SHLD2: variants seen among roughly 807,000 people sequenced by gnomAD.
SHLD2 encodes the protein shieldin complex subunit 2, also known as RINN1-REV7-interacting novel NHEJ regulator 2.
A neutral mutation model predicts 73.2 loss-of-function variants in SHLD2; 30 were observed. The observed-to-expected ratio is 0.41, with a 90% CI of 0.31 to 0.56. The LOEUF (loss-of-function observed/expected upper bound fraction) is 0.56. SHLD2 is among the 20% of genes least tolerant of loss of function. SHLD2 has a pLI of 0.28. For synonymous variants in SHLD2, 285 were observed against 370.1 expected (o/e 0.77, Z 2.64); for missense variants, 745 against 1,055.9 (o/e 0.71, Z 4.08).
At chr10:87,100,697 C>T (rs942710669) in intron 2 of SHLD2, among the ~76,000 whole-genome samples, 2 of 152,252 alleles carry the variant, frequency 1.3e-5, no homozygotes, top group African/African-American at 4.8e-5. Flanking sequence ...AGGCTGATCT[C>T]GAACTCCTTG....
intron 7 of SHLD2, among the ~76,000 whole-genome samples, chr10:87,179,413 T>A (rs1848160292): frequency 6.6e-6 from 1 of 152,016 alleles, no homozygotes; most frequent in South Asian, 2.1e-4. Context: ...GGCTTTTTTT[T>A]TTTTTTGAGA....
At chr10:87,171,156 T>C (rs905423730) in intron 6 of SHLD2, among the ~76,000 whole-genome samples, 182 bp downstream of exon 6, 5 of 152,172 alleles carry the variant, frequency 3.3e-5, no homozygotes, top group African/African-American at 1.2e-4. Flanking sequence ...AATTCATTTA[T>C]CTAATAAGTC....
intron 2 of SHLD2, among the ~76,000 whole-genome samples, chr10:87,103,444 C>T (rs189558485): frequency 6.6e-6 from 1 of 152,238 alleles, no homozygotes; most frequent in African/African-American, 2.4e-5. Context: ...ATTTGATCAT[C>T]ACAACAATTT....
intron 2 of SHLD2, among the ~76,000 whole-genome samples, chr10:87,142,979 G>GAGTGC (rs1422106084): frequency 1.4e-5 from 2 of 143,032 alleles, no homozygotes; most frequent in Non-Finnish European, 3.0e-5. Flanking sequence ...ATCCAGGCTG[G>GAGTGC]AGTGCAGTGG....
At chr10:87,165,693 G>A (rs566668137) in intron 4 of SHLD2, among the ~76,000 whole-genome samples, 2 of 152,132 alleles carry the variant, frequency 1.3e-5, no homozygotes, top group African/African-American at 4.8e-5. Flanking sequence ...AATATGAGGT[G>A]GGATCTTGGA....
intron 2 of SHLD2, among the ~76,000 whole-genome samples, chr10:87,142,429 A>G (rs1370864474): frequency 2.6e-5 from 4 of 152,200 alleles, no homozygotes; most frequent in East Asian, 3.9e-4. Context: ...CCTACATGCC[A>G]GTACTCCCTC....
intron 6 of SHLD2, among the ~76,000 whole-genome samples, chr10:87,172,283 T>C (rs1847643002): frequency 6.6e-6 from 1 of 152,218 alleles, no homozygotes; most frequent in African/African-American, 2.4e-5. Flanking sequence ...TTCCTGATTT[T>C]ACTTTTCTTT....
At chr10:87,099,037 C>A (rs1003076390) in intron 2 of SHLD2, among the ~76,000 whole-genome samples, 3 of 152,200 alleles carry the variant, frequency 2.0e-5, no homozygotes, top group Non-Finnish European at 2.9e-5. Flanking sequence ...CTGCCTCCCA[C>A]AGTGCTGGGA....
At chr10:87,147,892 G>A (rs1676008013) in intron 2 of SHLD2, among the ~76,000 whole-genome samples, 2 of 149,556 alleles carry the variant, frequency 1.3e-5, no homozygotes, top group Admixed American at 1.3e-4. Context: ...TTTTGAGACA[G>A]AGTCACCCAG....
chr10:87,164,407 C>A (rs542155590), intron 4 of SHLD2, among the ~76,000 whole-genome samples: 2 of 152,198 alleles, frequency 1.3e-5, no homozygotes, highest in African/African-American at 4.8e-5. Flanking sequence ...TGTGCACTAC[C>A]ACGCCTGGCT....
chr10:87,121,587 T>C (rs1041773160), intron 2 of SHLD2, among the ~76,000 whole-genome samples: 1 of 152,004 alleles, frequency 6.6e-6, no homozygotes, highest in Admixed American at 6.6e-5. Context: ...AAGTGGAAAC[T>C]GTTGTTTAAT....
chr10:87,131,854 T>G (rs1844452138), intron 2 of SHLD2, among the ~76,000 whole-genome samples: 1 of 152,258 alleles, frequency 6.6e-6, no homozygotes, highest in South Asian at 2.1e-4. Context: ...GTGTCCCAAT[T>G]TCTCCACATT....
At chr10:87,142,908 CCTT>C (rs1225279951) in intron 2 of SHLD2, among the ~76,000 whole-genome samples, 3 of 145,046 alleles carry the variant, frequency 2.1e-5, no homozygotes, top group Non-Finnish European at 4.5e-5. Context: ...TAAATTCAGT[CCTT>C]TTTATTTTTA....
chr10:87,178,080 A>T (rs1848055842), intron 7 of SHLD2, among the ~76,000 whole-genome samples: 1 of 151,754 alleles, frequency 6.6e-6, no homozygotes, highest in Non-Finnish European at 1.5e-5. Context: ...TACTAAAAAT[A>T]CAAAAATCAG....
intron 2 of SHLD2, among the ~76,000 whole-genome samples, chr10:87,110,105 A>G (rs1842828615): frequency 1.3e-5 from 2 of 151,314 alleles, no homozygotes; most frequent in East Asian, 3.9e-4. Flanking sequence ...CCTAGGCAAC[A>G]TAGTGAGACC....
At chr10:87,187,235 A>G (rs1848677388) in intron 9 of SHLD2, 35 bp downstream of exon 9, 1 of 1,217,312 alleles carries the variant, frequency 8.2e-7, no homozygotes, top group African/African-American at 1.5e-5. Flanking sequence ...AAGTTGTTTT[A>G]TTCAGGAGTA....
intron 2 of SHLD2, among the ~76,000 whole-genome samples, chr10:87,135,390 G>T (rs1399338281): frequency 3.9e-5 from 6 of 152,058 alleles, no homozygotes; most frequent in Admixed American, 3.3e-4. Flanking sequence ...TATTGTTCAG[G>T]TATTTTGTAG....
At position 87,190,511 on chromosome 10, in the gene SHLD2, T is replaced by G; in HGVS notation, c.2543T>G (p.Met848Arg). ...CCTTCCTCAGAGATCACCTATGGGATGGTCGTGGCAGACCTGTTCCACTCC... is the reference window on the plus strand; with the variant it reads ...CCTTCCTCAGAGATCACCTATGGGAGGGTCGTGGCAGACCTGTTCCACTCC... ...IVPSSEITYGMVVADLFHSLL... is the reference protein window; with the variant it reads ...IVPSSEITYGRVVADLFHSLL... The change falls in exon 10 of 10, where the codon ATG becomes AGG. Residue 848 changes from methionine (M) to arginine (R), a missense_variant. Physicochemically the swap from Met to Arg is moderately conservative, Grantham distance 91. Transcript: ENST00000298786. The G allele has an allele frequency of 6.2e-7, 1 of 1,612,016 alleles. No homozygotes were observed. Among genetic ancestry groups the G allele is most frequent in the Non-Finnish European group, 8.5e-7 (1 of 1,179,842 alleles).
intron 9 of SHLD2, among the ~76,000 whole-genome samples, chr10:87,188,329 T>G (rs981291007): frequency 9.2e-5 from 14 of 152,114 alleles, no homozygotes; most frequent in African/African-American, 3.4e-4. Flanking sequence ...TTTTCAGTCC[T>G]CCCCCAGGAT....
Sources: gnomAD v4.1 joint callset for allele counts (sites outside exome capture counted in the v4.1 genomes callset) on GRCh38, gnomAD v4.1.1 for gene constraint, MANE v1.5 for transcripts, NCBI Gene and HGNC (gene_info 2026-07-23, HGNC 2026-07-21) for gene names.